Variants in RAD51B observed in about 807,000 individuals in gnomAD.
RAD51B encodes RAD51 paralog B, also known as DNA repair protein RAD51 homolog 2.
In RAD51B, 38 loss-of-function variants were observed where a neutral mutation model predicts 42.2. That is an observed-to-expected ratio of 0.90 (90% CI 0.70 to 1.18). The LOEUF is 1.18. RAD51B is among the 50% of genes most tolerant of loss of function. The probability of loss-of-function intolerance (pLI) is 0.00; values close to 1 mark genes in which losing one functional copy is unlikely to be tolerated. For synonymous variants in RAD51B, 154 were observed against 145.2 expected (o/e 1.06, Z -0.43); for missense variants, 373 against 400.7 (o/e 0.93, Z 0.59).
intron 7 of RAD51B, among the ~76,000 whole-genome samples, chr14:68,150,794 T>C (rs1379887695): frequency 6.6e-6 from 1 of 152,188 alleles, no homozygotes; most frequent in African/African-American, 2.4e-5. Context: ...CTTTAACTTA[T>C]CACAGTCTAT....
At chr14:68,211,148 G>C (rs1478003110) in intron 7 of RAD51B, among the ~76,000 whole-genome samples, 3 of 152,168 alleles carry the variant, frequency 2.0e-5, no homozygotes, top group Admixed American at 2.0e-4. Flanking sequence ...GCCACATGGT[G>C]CATTTCCTAG....
intron 8 of RAD51B, among the ~76,000 whole-genome samples, chr14:68,375,369 G>C (rs1460195222): frequency 3.3e-5 from 5 of 152,140 alleles, no homozygotes; most frequent in Non-Finnish European, 7.4e-5. Context: ...TTGAAGGCTT[G>C]AGTCTAGTAA....
chr14:68,135,597 A>G (rs1033603413), intron 7 of RAD51B, among the ~76,000 whole-genome samples: 3 of 152,160 alleles, frequency 2.0e-5, no homozygotes, highest in African/African-American at 7.2e-5. Context: ...GCCTGTCAGT[A>G]TTTCACTGAT....
intron 10 of RAD51B, among the ~76,000 whole-genome samples, chr14:68,646,953 G>T (rs1299537726): frequency 6.6e-6 from 1 of 152,062 alleles, no homozygotes; most frequent in Non-Finnish European, 1.5e-5. Flanking sequence ...ATACAATGAG[G>T]CTATTTTATA....
At chr14:68,432,575 C>A (rs1405506603) in intron 9 of RAD51B, among the ~76,000 whole-genome samples, 4 of 152,154 alleles carry the variant, frequency 2.6e-5, no homozygotes, top group African/African-American at 9.7e-5. Flanking sequence ...GATTGCAACT[C>A]CTGCCTTTTT....
At chr14:68,105,109 G>C (rs1184661714) in intron 7 of RAD51B, among the ~76,000 whole-genome samples, 4 of 151,632 alleles carry the variant, frequency 2.6e-5, no homozygotes, top group African/African-American at 9.7e-5. Context: ...TAAACTCCAG[G>C]AATCTTTTTT....
chr14:68,403,538 CT>C (rs1367863880), intron 8 of RAD51B, among the ~76,000 whole-genome samples: 1 of 152,112 alleles, frequency 6.6e-6, no homozygotes, highest in Non-Finnish European at 1.5e-5. Context: ...AGCCCATCAC[CT>C]TTTTGGAAAT....
intron 10 of RAD51B, chr14:68,540,214 A>T: frequency 1.0e-6 from 1 of 982,608 alleles, no homozygotes; most frequent in Non-Finnish European, 1.2e-6. Context: ...TAGAGAATTC[A>T]AATGATCTGC....
intron 7 of RAD51B, among the ~76,000 whole-genome samples, chr14:68,242,876 T>C (rs890390780): frequency 6.6e-6 from 1 of 152,184 alleles, no homozygotes; most frequent in African/African-American, 2.4e-5. Context: ...TTATGGGATA[T>C]GATCTACTCC....
At chr14:68,265,834 G>A (rs184438166) in intron 7 of RAD51B, among the ~76,000 whole-genome samples, 8 of 152,256 alleles carry the variant, frequency 5.3e-5, no homozygotes, top group Admixed American at 2.6e-4. Flanking sequence ...TATGAATCAA[G>A]TAGCACAGAG....
intron 7 of RAD51B, among the ~76,000 whole-genome samples, chr14:68,282,973 A>T (rs906792287): frequency 6.6e-6 from 1 of 152,154 alleles, no homozygotes; most frequent in African/African-American, 2.4e-5. Flanking sequence ...AAGGGTATCA[A>T]TGTTGGTATT....
intron 7 of RAD51B, among the ~76,000 whole-genome samples, chr14:67,964,723 G>A (rs1005557881): frequency 7.2e-5 from 11 of 152,180 alleles, no homozygotes; most frequent in Admixed American, 1.3e-4. Context: ...TCCTGAACAA[G>A]AAAGAGAATT....
intron 2 of RAD51B, 70 bp from the exon 3 acceptor site, chr14:67,825,394 A>C: frequency 9.7e-7 from 1 of 1,028,078 alleles, no homozygotes; most frequent in East Asian, 2.5e-5. Flanking sequence ...TATCAATTGA[A>C]GGTTTCCTTT....
At chr14:68,227,014 C>T (rs1275810736) in intron 7 of RAD51B, among the ~76,000 whole-genome samples, 1 of 152,160 alleles carries the variant, frequency 6.6e-6, no homozygotes, top group African/African-American at 2.4e-5. Flanking sequence ...TGGACTCTTC[C>T]AGGATTTTAA....
At position 67,825,078 on chromosome 14, in the gene RAD51B, CAAAAAAAAAAAAAAAA is replaced by C. The variant is rs56227529; in HGVS notation, c.85-372_85-357del. Reference sequence around the variant, plus strand: ...GGGCGACAGAGCAAAACTCTTGTCTCAAAAAAAAAAAAAAAAAAAAAAAAAAAAAGGAAAGAAACTC... The same window carrying C: ...GGGCGACAGAGCAAAACTCTTGTCTCAAAAAAAAAAAAAGGAAAGAAACTC... On this transcript the variant is annotated intron_variant, in intron 2 of 10. Coordinates refer to ENST00000471583, the MANE Select transcript of RAD51B (RefSeq NM_133510.4). Among the ~76,000 whole-genome samples the C allele has an allele frequency of 7.6e-3, 387 of 50,610 alleles. 10 individuals are homozygous for C. The East Asian group carries it at 0.19, about 25-fold the overall frequency. 33.2% of individuals were successfully genotyped at this position (50,610 alleles called of 152,430 possible). A position where few individuals can be genotyped will look rare whatever the true frequency, so the allele number is the denominator to read the frequency against.
chr14:68,354,531 A>G (rs2082858836), intron 8 of RAD51B, among the ~76,000 whole-genome samples: 1 of 151,932 alleles, frequency 6.6e-6, no homozygotes, highest in African/African-American at 2.4e-5. Context: ...GTTTTAAACG[A>G]GTAAAATGAA....
At chr14:68,395,056 C>G (rs146087627) in intron 8 of RAD51B, among the ~76,000 whole-genome samples, 1,806 of 152,298 alleles carry the variant, frequency 0.012, 9 homozygotes, top group African/African-American at 0.017. Context: ...GGCATCCCCC[C>G]CTTTCTTCAG....
intron 7 of RAD51B, among the ~76,000 whole-genome samples, chr14:68,267,168 G>A (rs761759711): frequency 1.1e-4 from 16 of 152,210 alleles, no homozygotes; most frequent in Admixed American, 3.3e-4. Flanking sequence ...TGTGCTTTCC[G>A]CAAAGACGAT....
intron 7 of RAD51B, among the ~76,000 whole-genome samples, chr14:67,949,933 G>A (rs2074412621): frequency 6.6e-6 from 1 of 152,096 alleles, no homozygotes; most frequent in Non-Finnish European, 1.5e-5. Context: ...TGAGCAGTAG[G>A]TCTTAACAGC....
Sources: gnomAD v4.1 joint callset for allele counts (sites outside exome capture counted in the v4.1 genomes callset) on GRCh38, gnomAD v4.1.1 for gene constraint, MANE v1.5 for transcripts, NCBI Gene and HGNC (gene_info 2026-07-23, HGNC 2026-07-21) for gene names.